FBN1: variants seen among roughly 807,000 people sequenced by gnomAD.
The protein encoded by FBN1 is fibrillin-1.
FBN1 carries 29 observed loss-of-function variants against 365.1 expected under a neutral mutation model. That is an observed-to-expected ratio of 0.08 (90% CI 0.06 to 0.11). The LOEUF (loss-of-function observed/expected upper bound fraction) is 0.11, where lower values mean the gene tolerates loss of function less well. FBN1 is among the 10% of genes least tolerant of loss of function. FBN1 has a pLI of 1.00. For synonymous variants in FBN1, 1,210 were observed against 1,270.5 expected (o/e 0.95, Z 1.01); for missense variants, 2,476 against 3,703.2 (o/e 0.67, Z 8.60).
chr15:48,411,221 G>T lies in FBN1; in HGVS notation c.8385C>A (p.Ile2795=), dbSNP rs138574576. ...AGAAGCCATCTTCATTTCCAGATTC[G>T]ATCAAGTATCTGTTGTGATTCGTCA... ...TTLTNHNRYL[I]ESGNEDGFFK... The change falls in exon 66 of 66, where the codon ATC becomes ATA. Residue 2795 remains isoleucine, a synonymous_variant. Coordinates refer to ENST00000316623, the MANE Select transcript of FBN1 (RefSeq NM_000138.5). 6.2e-7 allele frequency: 1 copy of T among 1,614,038 alleles called. No individual in the cohort carries two copies. The highest frequency in any genetic ancestry group is 1.1e-5 in the South Asian group (1 of 91,076).
intron 23 of FBN1, among the ~76,000 whole-genome samples, chr15:48,493,285 A>C (rs1003148547): frequency 6.6e-6 from 1 of 152,208 alleles, no homozygotes; most frequent in African/African-American, 2.4e-5. Flanking sequence ...CACCAAGTTA[A>C]TCAAAAGAAA....
At chr15:48,517,059 G>A (rs2043810557) in intron 10 of FBN1, among the ~76,000 whole-genome samples, 1 of 152,186 alleles carries the variant, frequency 6.6e-6, no homozygotes, top group Non-Finnish European at 1.5e-5. Flanking sequence ...TAGTTTTCTG[G>A]TTGAGCAATT....
chr15:48,634,114 A>G (rs1890045009), intron 2 of FBN1, among the ~76,000 whole-genome samples: 1 of 152,250 alleles, frequency 6.6e-6, no homozygotes, highest in African/African-American at 2.4e-5. Context: ...AAAGTTATTC[A>G]TCAAAGGCCC....
intron 56 of FBN1, among the ~76,000 whole-genome samples, chr15:48,429,352 T>C (rs1417240418): frequency 6.6e-6 from 1 of 152,204 alleles, no homozygotes; most frequent in Non-Finnish European, 1.5e-5. Context: ...ATTTCAACAA[T>C]ATTATTAAGA....
chr15:48,411,919 TCTC>T (rs987480201), intron 65 of FBN1, among the ~76,000 whole-genome samples: 1 of 152,212 alleles, frequency 6.6e-6, no homozygotes, highest in African/African-American at 2.4e-5. Context: ...AAAACCATCT[TCTC>T]CTAAGGACAC....
chr15:48,560,842 C>G (rs76580863), intron 6 of FBN1, among the ~76,000 whole-genome samples: 2 of 151,996 alleles, frequency 1.3e-5, no homozygotes, highest in Non-Finnish European at 2.9e-5. Flanking sequence ...TGGAAAGAGC[C>G]CAGTACTGGA....
intron 6 of FBN1, among the ~76,000 whole-genome samples, chr15:48,560,921 T>A (rs923565949): frequency 6.6e-6 from 1 of 152,154 alleles, no homozygotes; most frequent in Non-Finnish European, 1.5e-5. Flanking sequence ...AATTTCCTCA[T>A]CTGAACAATA....
chr15:48,437,241 A>G, intron 52 of FBN1, 81 bp downstream of exon 52: 2 of 1,376,428 alleles, frequency 1.5e-6, no homozygotes, highest in Non-Finnish European at 2.1e-6. Context: ...TCCAAGATAG[A>G]TGGAGAAAAA....
intron 4 of FBN1, among the ~76,000 whole-genome samples, chr15:48,606,554 C>A (rs909217303): frequency 6.6e-6 from 1 of 152,040 alleles, no homozygotes; most frequent in Non-Finnish European, 1.5e-5. Flanking sequence ...AAATGTAGAA[C>A]AGATTAGTGG....
intron 32 of FBN1, among the ~76,000 whole-genome samples, chr15:48,478,397 C>T (rs1185529721): frequency 6.6e-6 from 1 of 152,202 alleles, no homozygotes; most frequent in African/African-American, 2.4e-5. Context: ...AAGAAACCAG[C>T]TAGTTTCCAA....
chr15:48,569,791 G>A (rs923555514), intron 6 of FBN1, among the ~76,000 whole-genome samples: 3 of 152,116 alleles, frequency 2.0e-5, no homozygotes, highest in Non-Finnish European at 2.9e-5. Flanking sequence ...CAGGGCTCTG[G>A]GAGAGAGCAA....
chr15:48,511,624 C>T (rs1487293009), intron 13 of FBN1, among the ~76,000 whole-genome samples: 1 of 152,184 alleles, frequency 6.6e-6, no homozygotes, highest in Non-Finnish European at 1.5e-5. Flanking sequence ...TCTACTCGGC[C>T]CCTCACTTAC....
intron 31 of FBN1, 97 bp downstream of exon 31, chr15:48,483,721 T>G: frequency 7.1e-7 from 1 of 1,408,712 alleles, no homozygotes; most frequent in Non-Finnish European, 1.0e-6. Context: ...ACTTTTCCTA[T>G]GGAATCTTTC....
Position 48,494,292 on chromosome 15 carries a change from T to G in FBN1, c.2678-38A>C, listed in dbSNP as rs1312887037. 3 of 1,524,304 alleles carry G rather than the reference T, an allele frequency of 2.0e-6. No homozygotes were observed. The South Asian group carries it at 3.4e-5, about 17-fold the overall frequency. 94.4% of individuals were successfully genotyped at this position (1,524,304 alleles called of 1,614,324 possible). A position where few individuals can be genotyped will look rare whatever the true frequency, so the allele number is the denominator to read the frequency against. On this transcript the variant is annotated intron_variant, in intron 22 of 65. Transcript: ENST00000316623. ...GCGAAAAACAAAACAGAAAACAAATTTGAGATAACAATATCCAGACTTTGC... is the reference window on the plus strand; with the variant it reads ...GCGAAAAACAAAACAGAAAACAAATGTGAGATAACAATATCCAGACTTTGC...
At position 48,520,662 on chromosome 15, in the gene FBN1, T is replaced by C. The variant is rs1297680405; in HGVS notation, c.1144A>G (p.Thr382Ala). The change falls in exon 10 of 66, where the codon ACC becomes GCC. Residue 382 changes from threonine (T) to alanine (A), a missense_variant. Physicochemically the swap from Thr to Ala is moderately conservative, Grantham distance 58. Coordinates refer to ENST00000316623, the MANE Select transcript of FBN1 (RefSeq NM_000138.5). Reference sequence around the variant, plus strand: ...AGATAACTGGAAGGGCTCTTACCGGTTGCTCTGATGGGACACATCTCAGGG... The same window carrying C: ...AGATAACTGGAAGGGCTCTTACCGGCTGCTCTGATGGGACACATCTCAGGG... ...VAPEMCPIRATEDFNKLCSVP... is the reference protein window; with the variant it reads ...VAPEMCPIRAAEDFNKLCSVP... 4 of 1,614,074 alleles carry C rather than the reference T, an allele frequency of 2.5e-6. No individual in the cohort carries two copies. The Admixed American group carries it at 5.0e-5, about 20-fold the overall frequency.
At chr15:48,594,444 A>AAGG in intron 6 of FBN1, among the ~76,000 whole-genome samples, 1 of 152,298 alleles carries the variant, frequency 6.6e-6, no homozygotes, top group Non-Finnish European at 1.5e-5. Flanking sequence ...GTCAACAGAT[A>AAGG]TTTACACCTT....
In FBN1 at chr15:48,489,023, T is replaced by C. The variant is rs146937403; in HGVS notation, c.3083-530A>G. Among the ~76,000 whole-genome samples, 1,462 of 152,130 alleles carry C rather than the reference T, an allele frequency of 9.6e-3. 25 individuals carry two copies. Among genetic ancestry groups the C allele is most frequent in the African/African-American group, 0.034 (1,392 of 41,478 alleles). On this transcript the variant is annotated intron_variant, in intron 25 of 65. Transcript: ENST00000316623. The stretch of plus-strand genomic sequence containing the variant: ...ACAATTTAAAAATATTTTCTTAATG[T>C]ATATACCTTAAGATGTCTTTCTTTC...
At chr15:48,453,295 A>AC (rs1424143490) in intron 44 of FBN1, among the ~76,000 whole-genome samples, 1 of 6,670 alleles carries the variant, frequency 1.5e-4, no homozygotes, top group Non-Finnish European at 3.6e-4. Context: ...TAAAACAAAC[A>AC]AAAAAAAAAC....
At chr15:48,621,876 T>C in intron 2 of FBN1, among the ~76,000 whole-genome samples, 1 of 150,518 alleles carries the variant, frequency 6.6e-6, no homozygotes, top group Non-Finnish European at 1.5e-5. Context: ...CGGGCGCCTG[T>C]AGTCCCAGCT....
Sources: allele counts gnomAD v4.1 joint callset (sites outside exome capture counted in the v4.1 genomes callset), GRCh38; gene constraint gnomAD v4.1.1; transcripts MANE v1.5; gene names NCBI Gene and HGNC (gene_info 2026-07-23, HGNC 2026-07-21).